The following GTF2IRD1 variants were observed in gnomAD, a reference collection of about 807,000 sequenced individuals.
GTF2IRD1 encodes the protein GTF2I repeat domain containing 1.
GTF2IRD1 carries 26 observed loss-of-function variants against 113.2 expected under a neutral mutation model. The ratio of observed to expected loss-of-function variants is 0.23; its 90% CI spans 0.17 to 0.32. GTF2IRD1 has a LOEUF of 0.32. GTF2IRD1 is among the 10% of genes least tolerant of loss of function. The pLI is 1.00. For missense variants in GTF2IRD1, 864 were observed against 1,280.8 expected, an observed-to-expected ratio of 0.67 and a Z score of 4.97; for synonymous variants, 484 against 529.1, an observed-to-expected ratio of 0.91 and a Z score of 1.17.
chr7:74,585,465 G>A (rs192702926), intron 22 of GTF2IRD1, among the ~76,000 whole-genome samples: 10 of 152,176 alleles, frequency 6.6e-5, no homozygotes, highest in Non-Finnish European at 1.5e-4. Flanking sequence ...TGCAGGTTTC[G>A]TAGAGCTCTG....
At chr7:74,545,584 G>A (rs1243676123) in intron 15 of GTF2IRD1, among the ~76,000 whole-genome samples, 160 bp from the exon 16 acceptor site, 3 of 152,114 alleles carry the variant, frequency 2.0e-5, no homozygotes, top group Non-Finnish European at 2.9e-5. Flanking sequence ...ACCTGTCTGC[G>A]TGTGCCATTT....
intron 22 of GTF2IRD1, among the ~76,000 whole-genome samples, chr7:74,580,168 G>A (rs1220782364): frequency 2.6e-5 from 4 of 151,944 alleles, no homozygotes; most frequent in African/African-American, 4.8e-5. Context: ...TTATTTTTTC[G>A]AGACCGGGTC....
At chr7:74,599,788 G>A (rs1802637302) in intron 25 of GTF2IRD1, among the ~76,000 whole-genome samples, 1 of 152,098 alleles carries the variant, frequency 6.6e-6, no homozygotes, top group African/African-American at 2.4e-5. Flanking sequence ...CTCCCAAAGT[G>A]CTGGGATTAC....
chr7:74,497,637 A>G (rs1010949847), intron 1 of GTF2IRD1, among the ~76,000 whole-genome samples: 1 of 152,112 alleles, frequency 6.6e-6, no homozygotes, highest in Non-Finnish European at 1.5e-5. Context: ...TACCAGCAGC[A>G]CACAGGGTTC....
At chr7:74,476,427 C>G (rs947337955) in intron 1 of GTF2IRD1, among the ~76,000 whole-genome samples, 3 of 137,078 alleles carry the variant, frequency 2.2e-5, no homozygotes, top group African/African-American at 8.3e-5. Context: ...TGCAGCGGTG[C>G]GATCTCGGCT....
intron 20 of GTF2IRD1, 54 bp downstream of exon 20, chr7:74,557,776 G>C: frequency 1.8e-6 from 2 of 1,112,944 alleles, no homozygotes; most frequent in African/African-American, 1.6e-5. Flanking sequence ...GCACAGAGAA[G>C]TGGGAGGCTT....
intron 22 of GTF2IRD1, among the ~76,000 whole-genome samples, chr7:74,573,369 A>G (rs974356247): frequency 6.6e-6 from 1 of 151,440 alleles, no homozygotes; most frequent in Non-Finnish European, 1.5e-5. Context: ...GCCACTGCCC[A>G]CCAGCCTGGG....
chr7:74,528,939 A>ATGGG (rs1425727201), intron 8 of GTF2IRD1, among the ~76,000 whole-genome samples: 26 of 134,960 alleles, frequency 1.9e-4, no homozygotes, highest in African/African-American at 7.1e-4. Context: ...AACCGGGTGG[A>ATGGG]TGGGTGGATG....
chr7:74,562,642 A>G (rs1415263213), intron 22 of GTF2IRD1, among the ~76,000 whole-genome samples: 1 of 125,218 alleles, frequency 8.0e-6, no homozygotes, highest in East Asian at 2.3e-4. Context: ...ATCCTGGTTC[A>G]CTGTAACCTC....
intron 1 of GTF2IRD1, among the ~76,000 whole-genome samples, chr7:74,505,738 C>T (rs1037542847): frequency 6.6e-6 from 1 of 152,128 alleles, no homozygotes; most frequent in Non-Finnish European, 1.5e-5. Context: ...GGGAGGGGGA[C>T]ACCTTCCAGC....
chr7:74,526,510 A>T (rs1554347251), intron 8 of GTF2IRD1, among the ~76,000 whole-genome samples: 1 of 152,114 alleles, frequency 6.6e-6, no homozygotes, highest in Non-Finnish European at 1.5e-5. Context: ...GAAAAATTAG[A>T]ATTGGGGGAA....
chr7:74,522,027 A>G (rs1221349747), intron 7 of GTF2IRD1, among the ~76,000 whole-genome samples: 1 of 152,110 alleles, frequency 6.6e-6, no homozygotes, highest in Non-Finnish European at 1.5e-5. Flanking sequence ...CATGTGGGCT[A>G]GCCTTGACGG....
At chr7:74,517,711 C>T (rs74302311) in intron 4 of GTF2IRD1, among the ~76,000 whole-genome samples, 25,136 of 152,198 alleles carry the variant, frequency 0.17, 2,227 homozygotes, top group Middle Eastern at 0.22. Flanking sequence ...TGAGCCACCA[C>T]GCCCAGCCCT....
intron 9 of GTF2IRD1, among the ~76,000 whole-genome samples, chr7:74,532,457 C>T (rs1463429591): frequency 1.3e-5 from 2 of 152,018 alleles, no homozygotes; most frequent in Non-Finnish European, 1.5e-5. Context: ...AGGAGGCTGA[C>T]GGAGGAGGAT....
chr7:74,519,708 C>A lies in GTF2IRD1; in HGVS notation c.905C>A (p.Ser302Tyr), dbSNP rs1554345508. The A allele has an allele frequency of 6.4e-7, 1 of 1,573,054 alleles. No individual in the cohort carries two copies. ...AAGGCCACCGGTGCCCAAGACTTCT[C>A]CGACTGTTGTGGTAACATTGCTGCT... ...EPKATGAQDF[S>Y]DCCGQKPTGP... Residue 302 changes from serine to tyrosine, a missense_variant, in exon 6 of 27, where the codon TCC (serine) becomes TAC (tyrosine). Around this residue, in one of 7 missense-constraint regions of GTF2IRD1, gnomAD observed 195 missense variants for 196.6 expected, o/e 0.99. Transcript: ENST00000424337.
intron 26 of GTF2IRD1, chr7:74,601,520 C>T (rs1554374112): frequency 3.6e-6 from 5 of 1,406,482 alleles, no homozygotes; most frequent in Non-Finnish European, 4.6e-6. Flanking sequence ...CGCCTGTAAT[C>T]CCAGCACTTT....
intron 12 of GTF2IRD1, 94 bp downstream of exon 12, chr7:74,538,267 C>T (rs587708278): frequency 8.5e-6 from 11 of 1,299,416 alleles, no homozygotes; most frequent in African/African-American, 1.4e-5. Flanking sequence ...CAACTCAGCC[C>T]ATGAGCCTGG....
At chr7:74,540,343 G>C (rs1406002904) in intron 14 of GTF2IRD1, among the ~76,000 whole-genome samples, 1 of 151,830 alleles carries the variant, frequency 6.6e-6, no homozygotes. Context: ...GCGGGCTTTC[G>C]CTATGTTGGT....
chr7:74,507,803 G>C (rs1313025872), intron 1 of GTF2IRD1: 2 of 389,620 alleles, frequency 5.1e-6, no homozygotes, highest in Non-Finnish European at 9.4e-6. Context: ...GTTGGGGCCT[G>C]TCCAACAGAC....
Sources: allele counts gnomAD v4.1 joint callset (sites outside exome capture counted in the v4.1 genomes callset), GRCh38; gene constraint gnomAD v4.1.1; regional missense constraint gnomAD v4.1.1; transcripts MANE v1.5; gene names NCBI Gene and HGNC (gene_info 2026-07-23, HGNC 2026-07-21).